The following CABCOCO1 variants were observed in gnomAD, a reference collection of about 807,000 sequenced individuals.
CABCOCO1 encodes ciliary associated calcium binding coiled-coil 1, also known as ciliary-associated calcium-binding coiled-coil protein 1.
A neutral mutation model predicts 35.7 loss-of-function variants in CABCOCO1; 28 were observed. That is an observed-to-expected ratio of 0.78 (90% CI 0.58 to 1.07). The LOEUF is 1.07. CABCOCO1 is among the 50% of genes least tolerant of loss of function. The probability of loss-of-function intolerance (pLI) is 0.00; values close to 1 mark genes in which losing one functional copy is unlikely to be tolerated. For missense variants in CABCOCO1, 326 were observed against 309.2 expected (o/e 1.05, Z -0.41); for synonymous variants, 95 against 100.1 (o/e 0.95, Z 0.30).
chr10:61,758,451 T>C (rs1182416750), intron 5 of CABCOCO1, among the ~76,000 whole-genome samples: 1 of 152,104 alleles, frequency 6.6e-6, no homozygotes, highest in Non-Finnish European at 1.5e-5. Context: ...ATGCAATGGC[T>C]CGTGGAAGTG....
At chr10:61,666,691 T>A (rs942033640) in intron 1 of CABCOCO1, among the ~76,000 whole-genome samples, 8 of 151,972 alleles carry the variant, frequency 5.3e-5, no homozygotes, top group Non-Finnish European at 1.2e-4. Context: ...TTAGCAAGTC[T>A]AGAATTTTTT....
chr10:61,718,671 T>A (rs1840925372), intron 5 of CABCOCO1, among the ~76,000 whole-genome samples: 1 of 152,222 alleles, frequency 6.6e-6, no homozygotes, highest in South Asian at 2.1e-4. Context: ...TGTCCTTGTC[T>A]ACAAAGTAGA....
At chr10:61,735,464 G>C (rs181543703) in intron 5 of CABCOCO1, among the ~76,000 whole-genome samples, 2 of 152,134 alleles carry the variant, frequency 1.3e-5, no homozygotes, top group Admixed American at 6.6e-5. Flanking sequence ...CTACAGTCTG[G>C]TACCAATATA....
chr10:61,759,219 G>A (rs1008952776), intron 5 of CABCOCO1, among the ~76,000 whole-genome samples: 3 of 152,150 alleles, frequency 2.0e-5, no homozygotes, highest in South Asian at 2.1e-4. Flanking sequence ...GCATGAAAAC[G>A]AGAACCCTCA....
At chr10:61,672,419 G>A (rs2131955838) in intron 1 of CABCOCO1, among the ~76,000 whole-genome samples, 1 of 152,266 alleles carries the variant, frequency 6.6e-6, no homozygotes, top group Non-Finnish European at 1.5e-5. Context: ...TTGTACATAT[G>A]CCCAAAAGAC....
intron 5 of CABCOCO1, among the ~76,000 whole-genome samples, chr10:61,727,554 A>G (rs1841187688): frequency 6.6e-6 from 1 of 152,194 alleles, no homozygotes. Flanking sequence ...GTTTTCATCC[A>G]TAACTCTCTT....
chr10:61,759,473 C>T (rs754546942), intron 5 of CABCOCO1, among the ~76,000 whole-genome samples: 5 of 152,096 alleles, frequency 3.3e-5, no homozygotes, highest in Non-Finnish European at 4.4e-5. Context: ...CTGAGTGGCA[C>T]GCTGTTGCTA....
intron 5 of CABCOCO1, among the ~76,000 whole-genome samples, chr10:61,741,275 A>G (rs939048795): frequency 6.6e-6 from 1 of 152,188 alleles, no homozygotes; most frequent in South Asian, 2.1e-4. Context: ...TGCTAACCCA[A>G]TTAATAGAAG....
chr10:61,727,489 A>T (rs1841185793), intron 5 of CABCOCO1, among the ~76,000 whole-genome samples: 1 of 152,160 alleles, frequency 6.6e-6, no homozygotes, highest in African/African-American at 2.4e-5. Context: ...GTATAATCAA[A>T]CCCCTTATAC....
At chr10:61,737,633 C>T (rs575526940) in intron 5 of CABCOCO1, among the ~76,000 whole-genome samples, 3 of 152,240 alleles carry the variant, frequency 2.0e-5, no homozygotes, top group Admixed American at 2.0e-4. Context: ...CATAAAAAAG[C>T]ACAAGATCAT....
chr10:61,665,215 G>A (rs911667238), intron 1 of CABCOCO1, among the ~76,000 whole-genome samples: 1 of 152,142 alleles, frequency 6.6e-6, no homozygotes, highest in African/African-American at 2.4e-5. Flanking sequence ...GATGGTCTGA[G>A]GCATGCCAGG....
At chr10:61,720,709 A>G (rs911553103) in intron 5 of CABCOCO1, among the ~76,000 whole-genome samples, 3 of 152,016 alleles carry the variant, frequency 2.0e-5, no homozygotes, top group African/African-American at 7.2e-5. Context: ...GGTAATGAGG[A>G]CAAAACCTTC....
intron 5 of CABCOCO1, among the ~76,000 whole-genome samples, chr10:61,738,738 A>G (rs1464319481): frequency 6.6e-6 from 1 of 152,346 alleles, no homozygotes; most frequent in Non-Finnish European, 1.5e-5. Context: ...ACCTTCTTGC[A>G]AATTATGCAC....
chr10:61,704,168 G>A (rs1840539305), intron 5 of CABCOCO1, among the ~76,000 whole-genome samples: 1 of 152,168 alleles, frequency 6.6e-6, no homozygotes, highest in African/African-American at 2.4e-5. Context: ...AGGTTGCAGG[G>A]AGCCGAGATA....
chr10:61,703,997 C>T (rs1840532592), intron 5 of CABCOCO1, among the ~76,000 whole-genome samples: 1 of 151,966 alleles, frequency 6.6e-6, no homozygotes, highest in African/African-American at 2.4e-5. Context: ...AGATAGAACA[C>T]TTGAGGCCAG....
At position 61,760,135 on chromosome 10, in the gene CABCOCO1, A is replaced by C. The variant is rs777421090; in HGVS notation, c.629A>C (p.Tyr210Ser). The change falls in exon 6 of 8, where the codon TAT becomes TCT. Residue 210 changes from tyrosine to serine, a missense_variant. Coordinates refer to ENST00000648843, the MANE Select transcript of CABCOCO1 (RefSeq NM_001366906.2). ...GAAGAAGGAATCTCATTTGATATTT[A>C]TTCAACATTCATAGAGCCCCCCACA... ...PLEEGISFDI[Y>S]STFIEPPTIL... 6.2e-7 allele frequency: 1 copy of C among 1,612,190 alleles called. No homozygotes were observed. The highest frequency in any genetic ancestry group is 1.1e-5 in the South Asian group (1 of 91,026).
At chr10:61,667,333 G>GT (rs1190530726) in intron 1 of CABCOCO1, among the ~76,000 whole-genome samples, 1 of 150,606 alleles carries the variant, frequency 6.6e-6, no homozygotes, top group Non-Finnish European at 1.5e-5. Flanking sequence ...GTCCATTACT[G>GT]TGTCAATATC....
intron 5 of CABCOCO1, among the ~76,000 whole-genome samples, chr10:61,690,978 G>C (rs559416251): frequency 6.6e-6 from 1 of 152,210 alleles, no homozygotes; most frequent in Non-Finnish European, 1.5e-5. Context: ...TGGTAACTCA[G>C]TGAAATCCCT....
chr10:61,699,537 C>G (rs996478565), intron 5 of CABCOCO1, among the ~76,000 whole-genome samples: 2 of 152,086 alleles, frequency 1.3e-5, no homozygotes, highest in African/African-American at 4.8e-5. Context: ...TTGCTCATTT[C>G]CCTCTGCCTT....
Sources: allele counts gnomAD v4.1 joint callset (sites outside exome capture counted in the v4.1 genomes callset), GRCh38; gene constraint gnomAD v4.1.1; transcripts MANE v1.5; gene names NCBI Gene and HGNC (gene_info 2026-07-23, HGNC 2026-07-21).